RNF17: variants seen among roughly 807,000 people sequenced by gnomAD.
The protein encoded by RNF17 is spermatogenesis associated 23.
RNF17 carries 31 observed loss-of-function variants against 200.5 expected under a neutral mutation model. The ratio of observed to expected loss-of-function variants is 0.15; its 90% CI spans 0.12 to 0.21. The LOEUF is 0.21. Among genes scored for constraint, RNF17 ranks in the 10% least tolerant of loss-of-function variants. The probability of loss-of-function intolerance (pLI) is 1.00; values close to 1 mark genes in which losing one functional copy is unlikely to be tolerated. For missense variants in RNF17, 1,628 were observed against 1,905.1 expected (o/e 0.85, Z 2.71); for synonymous variants, 606 against 637.8 (o/e 0.95, Z 0.75).
intron 21 of RNF17, 28 bp downstream of exon 21, chr13:24,844,830 G>A (rs759335419): frequency 1.9e-6 from 3 of 1,599,590 alleles, no homozygotes; most frequent in South Asian, 2.3e-5. Flanking sequence ...AAGTGTAATT[G>A]TGAAGGTGAA....
chr13:24,853,094 A>G (rs889519782), intron 24 of RNF17, among the ~76,000 whole-genome samples: 1 of 152,132 alleles, frequency 6.6e-6, no homozygotes, highest in Admixed American at 6.5e-5. Context: ...TTCTATTTGT[A>G]GTAGAGACAG....
At chr13:24,803,368 G>A (rs542617441) in intron 14 of RNF17, among the ~76,000 whole-genome samples, 1 of 152,300 alleles carries the variant, frequency 6.6e-6, no homozygotes, top group East Asian at 1.9e-4. Context: ...CACAGCCTCA[G>A]CTCATTGAAA....
At chr13:24,841,911 A>G in intron 18 of RNF17, 130 bp from the exon 19 acceptor site, 1 of 610,808 alleles carries the variant, frequency 1.6e-6, no homozygotes. Flanking sequence ...GGTTGCAGTG[A>G]GCTGAGATCG....
chr13:24,804,218 G>C, intron 14 of RNF17, 70 bp from the exon 15 acceptor site: 1 of 1,423,850 alleles, frequency 7.0e-7, no homozygotes. Flanking sequence ...AGCCATGATA[G>C]CACCACTGCA....
At chr13:24,772,624 T>C (rs955573396) in intron 2 of RNF17, among the ~76,000 whole-genome samples, 1 of 151,504 alleles carries the variant, frequency 6.6e-6, no homozygotes, top group East Asian at 1.9e-4. Context: ...TTTTTTTTTC[T>C]TTTGAGACAA....
intron 6 of RNF17, among the ~76,000 whole-genome samples, chr13:24,782,321 C>T (rs1882492236): frequency 6.6e-6 from 1 of 151,886 alleles, no homozygotes; most frequent in Admixed American, 6.6e-5. Flanking sequence ...AACTACAAGC[C>T]CACACCACTA....
At chr13:24,828,256 A>G (rs1323865298) in intron 16 of RNF17, among the ~76,000 whole-genome samples, 1 of 148,406 alleles carries the variant, frequency 6.7e-6, no homozygotes, top group East Asian at 2.0e-4. Context: ...CTTCATTTCT[A>G]TTAGCACCAC....
intron 18 of RNF17, among the ~76,000 whole-genome samples, chr13:24,839,603 A>G (rs897668382): frequency 3.3e-5 from 5 of 152,188 alleles, no homozygotes; most frequent in African/African-American, 1.2e-4. Flanking sequence ...CTGATCTTTG[A>G]CAAGGCAAAC....
Position 24,854,066 on chromosome 13 carries a change from C to A in RNF17, c.3532C>A (p.Pro1178Thr). Residue 1178 changes from proline (P) to threonine (T), a missense_variant, in exon 25 of 36, where the codon CCT becomes ACT. Transcript: ENST00000255324. ...TTRGYKPPAI[P>T]NMNVFEATVS... Reference sequence around the variant, plus strand: ...TAGAGGGTATAAGCCACCAGCTATTCCTAACATGAACGTATTTGAGGCAAC... The same window carrying A: ...TAGAGGGTATAAGCCACCAGCTATTACTAACATGAACGTATTTGAGGCAAC... 6.2e-7 allele frequency: 1 copy of A among 1,613,928 alleles called. No homozygotes were observed. The highest frequency in any genetic ancestry group is 1.7e-5 in the Admixed American group (1 of 60,024).
At position 24,800,431 on chromosome 13, in the gene RNF17, G is replaced by T. The variant is rs1016311586; in HGVS notation, c.1655G>T (p.Cys552Phe). 2.5e-6 allele frequency: 4 copies of T among 1,612,810 alleles called. No individual in the cohort carries two copies. The highest frequency in any genetic ancestry group is 3.4e-6 in the Non-Finnish European group (4 of 1,179,120). ...AKQHIALNDLCLVLRKSEPYT... is the reference protein window; with the variant it reads ...AKQHIALNDLFLVLRKSEPYT... ...CAACATATTGCACTAAATGATTTAT[G>T]TCTGGTTCTAAGGAAATCTGAACCA... Residue 552 changes from cysteine to phenylalanine, a missense_variant, in exon 13 of 36, where the codon TGT becomes TTT. Transcript: ENST00000255324.
intron 15 of RNF17, among the ~76,000 whole-genome samples, chr13:24,821,351 C>A (rs1321982031): frequency 1.4e-5 from 2 of 147,296 alleles, no homozygotes; most frequent in African/African-American, 4.8e-5. Flanking sequence ...GGGGAAGATA[C>A]AAATCAACTC....
Position 24,825,657 on chromosome 13 carries a change from C to T in RNF17, c.2130C>T (p.Ile710=), listed in dbSNP as rs768962732. 8 of 1,603,806 alleles carry T rather than the reference C, an allele frequency of 5.0e-6. No individual in the cohort carries two copies. Among genetic ancestry groups the T allele is most frequent in the Admixed American group, 3.3e-5 (2 of 59,940 alleles). ...GLDILFLLKT[I]EEFYKSEDGE... ...ATATTTTATTTCTATTAAAGACAAT[C>T]GAGGAATTCTATAAAAGTGAAGATG... is the stretch of plus-strand genomic sequence containing the variant. Residue 710 remains isoleucine, a synonymous_variant, in exon 16 of 36, where the codon ATC becomes ATT. Transcript: ENST00000255324.
At chr13:24,759,693 T>C (rs1365493355), upstream of RNF17, among the ~76,000 whole-genome samples, 1 of 151,832 alleles carries the variant, frequency 6.6e-6, no homozygotes, top group Non-Finnish European at 1.5e-5. Flanking sequence ...AAAAGGTAAT[T>C]TAAGCAAAGA....
In RNF17 at chr13:24,817,612, G is replaced by A. The variant is rs149556773; in HGVS notation, c.2092-8007G>A. ...TGGGCACCTGTAGTCCCAGCTACTC[G>A]GGAGGCTGAGGCAGGAGAATTGCTT... On this transcript the variant is annotated intron_variant, in intron 15 of 35. Coordinates refer to ENST00000255324, the MANE Select transcript of RNF17 (RefSeq NM_031277.3). Among the ~76,000 whole-genome samples the A allele has an allele frequency of 5.3e-3, 808 of 151,970 alleles. 22 individuals carry two copies. In the East Asian group the frequency reaches 0.081, roughly 15 times the overall value.
intron 30 of RNF17, among the ~76,000 whole-genome samples, chr13:24,866,404 C>A (rs1365151561): frequency 2.0e-5 from 3 of 152,108 alleles, no homozygotes; most frequent in Non-Finnish European, 4.4e-5. Flanking sequence ...CATTTCATCA[C>A]CCCCAAAAGA....
chr13:24,832,678 C>T (rs897227602), intron 18 of RNF17, among the ~76,000 whole-genome samples: 13 of 152,070 alleles, frequency 8.5e-5, no homozygotes, highest in African/African-American at 2.4e-4. Flanking sequence ...CTCAATTAGA[C>T]GAATTTTGAA....
intron 9 of RNF17, among the ~76,000 whole-genome samples, chr13:24,790,968 T>A (rs1246179467): frequency 6.6e-6 from 1 of 152,230 alleles, no homozygotes; most frequent in African/African-American, 2.4e-5. Flanking sequence ...GAATTAAGTT[T>A]CAACATGAAT....
intron 25 of RNF17, among the ~76,000 whole-genome samples, chr13:24,857,483 C>A (rs925734733): frequency 6.6e-6 from 1 of 152,148 alleles, no homozygotes; most frequent in African/African-American, 2.4e-5. Flanking sequence ...CATAAATTAA[C>A]CTGCTTTCCA....
intron 22 of RNF17, among the ~76,000 whole-genome samples, chr13:24,846,064 G>A (rs529926098): frequency 6.6e-6 from 1 of 152,304 alleles, no homozygotes; most frequent in African/African-American, 2.4e-5. Flanking sequence ...CTGCACTCCA[G>A]CCTGACACAG....
Sources: gnomAD v4.1 joint callset for allele counts (sites outside exome capture counted in the v4.1 genomes callset) on GRCh38, gnomAD v4.1.1 for gene constraint, MANE v1.5 for transcripts, NCBI Gene and HGNC (gene_info 2026-07-23, HGNC 2026-07-21) for gene names.